Variants in CCDC175 observed in about 807,000 individuals in gnomAD.
The protein encoded by CCDC175 is coiled-coil domain containing 175.
Under a neutral mutation model 114.6 loss-of-function variants are expected in CCDC175, and 100 were observed. The observed-to-expected ratio is 0.87, with a 90% CI of 0.74 to 1.03. The LOEUF (loss-of-function observed/expected upper bound fraction) is 1.03, where lower values mean the gene tolerates loss of function less well. Among genes scored for constraint, CCDC175 ranks in the 50% least tolerant of loss-of-function variants. CCDC175 has a pLI of 0.00. For synonymous variants in CCDC175, 306 were observed against 308.7 expected (o/e 0.99, Z 0.09); for missense variants, 880 against 917.8 (o/e 0.96, Z 0.53).
intron 17 of CCDC175, among the ~76,000 whole-genome samples, chr14:59,515,458 AG>A (rs1462887622): frequency 2.0e-5 from 3 of 152,366 alleles, no homozygotes; most frequent in South Asian, 4.1e-4. Context: ...CTCAAAATAA[AG>A]GGATGGAGGA....
At position 59,561,161 on chromosome 14, in the gene CCDC175, A is replaced by G. The variant is rs984276129; in HGVS notation, c.911T>C (p.Val304Ala). 18 of 1,535,402 alleles carry G rather than the reference A, an allele frequency of 1.2e-5. No individual in the cohort carries two copies. The highest frequency in any genetic ancestry group is 1.6e-5 in the Non-Finnish European group (18 of 1,145,622). ...HESIRYWEQE[V>A]SELKKDLAIL... ...TGCAAGGTCTTTCTTTAGCTCACTG[A>G]CCTCTTGTTCCCAATACCTTATTGA... Residue 304 changes from valine (V) to alanine (A), a missense_variant, in exon 7 of 20, where the codon GTC becomes GCC. Val to Ala is a moderately conservative substitution (Grantham distance 64, BLOSUM62 0). Transcript: ENST00000537690.
intron 7 of CCDC175, among the ~76,000 whole-genome samples, chr14:59,555,286 C>T (rs1437790692): frequency 6.6e-6 from 1 of 152,156 alleles, no homozygotes; most frequent in African/African-American, 2.4e-5. Context: ...GGGCTTCATC[C>T]CTGGGATTCA....
At chr14:59,553,172 CAA>C (rs954589598) in intron 7 of CCDC175, among the ~76,000 whole-genome samples, 4 of 152,090 alleles carry the variant, frequency 2.6e-5, no homozygotes, top group African/African-American at 7.2e-5. Flanking sequence ...TCAGATTCAC[CAA>C]AGTTGAAATG....
chr14:59,507,065 T>G (rs950091978), intron 19 of CCDC175, among the ~76,000 whole-genome samples: 1 of 152,232 alleles, frequency 6.6e-6, no homozygotes, highest in Non-Finnish European at 1.5e-5. Context: ...CTTATTTACC[T>G]TTGATTTACA....
chr14:59,554,807 G>A (rs1173915414), intron 7 of CCDC175, among the ~76,000 whole-genome samples: 4 of 152,014 alleles, frequency 2.6e-5, no homozygotes, highest in East Asian at 3.9e-4. Context: ...CCACAGAAAT[G>A]CAAACTACCA....
chr14:59,536,743 T>A (rs371604380), intron 13 of CCDC175, among the ~76,000 whole-genome samples: 1 of 152,174 alleles, frequency 6.6e-6, no homozygotes, highest in East Asian at 1.9e-4. Flanking sequence ...GCTATTAAAT[T>A]ATTTTTTTAA....
At chr14:59,508,181 C>G (rs1349059584) in intron 19 of CCDC175, among the ~76,000 whole-genome samples, 3 of 152,080 alleles carry the variant, frequency 2.0e-5, no homozygotes, top group Admixed American at 1.3e-4. Flanking sequence ...GTTCAGGGCA[C>G]TTGTCCACTA....
chr14:59,510,538 G>T, intron 19 of CCDC175, 108 bp downstream of exon 19: 5 of 1,072,454 alleles, frequency 4.7e-6, no homozygotes, highest in Non-Finnish European at 4.1e-6. Flanking sequence ...CATAATTGGG[G>T]ATAACTAAGT....
At position 59,549,719 on chromosome 14, in the gene CCDC175, C is replaced by CA. The variant is rs370269871; in HGVS notation, c.1035+1635dup. The stretch of plus-strand genomic sequence containing the variant: ...TGGGTGATAGAGTGAGACTATGTCT[C>CA]AAAAAAAAAAAGAAAAAGAAAAAGA... On this transcript the variant is annotated intron_variant, in intron 8 of 19. Transcript: ENST00000537690. 9.0e-3 allele frequency among the ~76,000 whole-genome samples: 809 copies of CA among 89,592 alleles called. 33 individuals are homozygous for CA. Among genetic ancestry groups the CA allele is most frequent in the African/African-American group, 0.022 (525 of 23,424 alleles). 58.8% of individuals were successfully genotyped at this position (89,592 alleles called of 152,430 possible).
chr14:59,555,008 C>G (rs9796478), intron 7 of CCDC175, among the ~76,000 whole-genome samples: 79,757 of 151,978 alleles, frequency 0.52, 21,995 homozygotes, highest in East Asian at 0.82. Flanking sequence ...CAGGATCAGA[C>G]GGATTCACAG....
rs1165044724 is a variant in CCDC175, at chr14:59,535,273, G to T, written c.1623+2750C>A. Among the ~76,000 whole-genome samples the T allele has an allele frequency of 2.0e-5, 3 of 152,196 alleles. No individual in the cohort carries two copies. The East Asian group carries it at 5.8e-4, about 29-fold the overall frequency. On this transcript the variant is annotated intron_variant, in intron 13 of 19. Transcript: ENST00000537690. ...ACACAGCCTGGCAAGCCGAGTGCAG[G>T]CTGGAGGCTTGTGTGTAGTGGTTTT...
At chr14:59,517,135 A>C (rs1480972040) in intron 17 of CCDC175, among the ~76,000 whole-genome samples, 1 of 152,066 alleles carries the variant, frequency 6.6e-6, no homozygotes, top group Non-Finnish European at 1.5e-5. Flanking sequence ...CATGCTAAAA[A>C]CTCTCAATAA....
At chr14:59,545,102 T>G in intron 9 of CCDC175, 61 bp downstream of exon 9, 2 of 1,456,072 alleles carry the variant, frequency 1.4e-6, no homozygotes, top group Non-Finnish European at 1.8e-6. Context: ...ACCACTTTGA[T>G]AGCAAGAAAA....
At chr14:59,519,665 T>A (rs990174106) in intron 17 of CCDC175, among the ~76,000 whole-genome samples, 10 of 152,208 alleles carry the variant, frequency 6.6e-5, no homozygotes, top group Admixed American at 5.9e-4. Context: ...TCCAAAGATA[T>A]CCCCACAGTA....
chr14:59,510,559 A>G lies in CCDC175; in HGVS notation c.2305+87T>C, dbSNP rs997795482. 3.0e-6 allele frequency: 4 copies of G among 1,312,736 alleles called. No individual in the cohort carries two copies. In the Admixed American group the frequency reaches 6.0e-5, roughly 20 times the overall value. The allele number at this position is 1,312,736 out of a possible 1,614,324, so 81.3% of individuals were successfully genotyped here. ...TGGGGATAACTAAGTCACTTAGTTG[A>G]CACGTTTTTTCTTCTTTTGATGTTA... On this transcript the variant is annotated intron_variant, in intron 19 of 19. Transcript: ENST00000537690.
intron 1 of CCDC175, among the ~76,000 whole-genome samples, chr14:59,575,959 T>C (rs1301891859): frequency 2.0e-5 from 3 of 152,228 alleles, no homozygotes; most frequent in Admixed American, 6.5e-5. Flanking sequence ...AATGGGATGA[T>C]TCTAGTGAAG....
At chr14:59,550,323 A>C (rs1382856555) in intron 8 of CCDC175, among the ~76,000 whole-genome samples, 1 of 152,002 alleles carries the variant, frequency 6.6e-6, no homozygotes, top group Non-Finnish European at 1.5e-5. Flanking sequence ...CCTCACCCCC[A>C]ATTTTTCACT....
chr14:59,513,620 G>T (rs907260826), intron 17 of CCDC175, among the ~76,000 whole-genome samples: 3 of 152,324 alleles, frequency 2.0e-5, no homozygotes, highest in Admixed American at 2.0e-4. Flanking sequence ...GGCTGGGGGA[G>T]GGGTGCCTGC....
chr14:59,527,499 A>G (rs1893815060), intron 14 of CCDC175, among the ~76,000 whole-genome samples: 1 of 152,070 alleles, frequency 6.6e-6, no homozygotes, highest in South Asian at 2.1e-4. Flanking sequence ...CAACCTCTAT[A>G]TTTCATCCCT....
Sources: allele counts gnomAD v4.1 joint callset (sites outside exome capture counted in the v4.1 genomes callset), GRCh38; gene constraint gnomAD v4.1.1; transcripts MANE v1.5; gene names NCBI Gene and HGNC (gene_info 2026-07-23, HGNC 2026-07-21).